Variants in THADA observed in about 807,000 individuals in gnomAD.
The protein encoded by THADA is tRNA (32-2'-O)-methyltransferase regulator THADA.
THADA carries 213 observed loss-of-function variants against 219.8 expected under a neutral mutation model. The observed-to-expected ratio is 0.97, with a 90% confidence interval of 0.87 to 1.09. THADA has a LOEUF of 1.09. Ranked by LOEUF, THADA falls within the 50% of genes least tolerant of loss-of-function variation. THADA has a pLI of 0.00. For synonymous variants in THADA, 1,018 were observed against 828.9 expected (o/e 1.23, Z -3.92); for missense variants, 2,956 against 2,311.3 (o/e 1.28, Z -5.72).
intron 26 of THADA, among the ~76,000 whole-genome samples, chr2:43,472,244 G>A (rs1329099577): frequency 6.6e-6 from 1 of 152,166 alleles, no homozygotes; most frequent in Non-Finnish European, 1.5e-5. Context: ...AAACAGGCAA[G>A]TATTTAAGTA....
intron 10 of THADA, among the ~76,000 whole-genome samples, chr2:43,576,808 C>G (rs892594392): frequency 6.6e-6 from 1 of 152,124 alleles, no homozygotes; most frequent in African/African-American, 2.4e-5. Context: ...GCGCATGCCA[C>G]CACACCCAGC....
intron 26 of THADA, among the ~76,000 whole-genome samples, chr2:43,451,394 C>A (rs1418278834): frequency 6.6e-6 from 1 of 152,224 alleles, no homozygotes; most frequent in Non-Finnish European, 1.5e-5. Flanking sequence ...CCATCCCCCA[C>A]TGTCCATTAT....
chr2:43,322,935 C>T (rs1473207845), intron 30 of THADA, among the ~76,000 whole-genome samples: 1 of 152,006 alleles, frequency 6.6e-6, no homozygotes, highest in African/African-American at 2.4e-5. Context: ...ATCCACCTGC[C>T]TCGGCCTCCC....
At chr2:43,355,859 G>C (rs1396475119) in intron 29 of THADA, among the ~76,000 whole-genome samples, 1 of 152,174 alleles carries the variant, frequency 6.6e-6, no homozygotes, top group African/African-American at 2.4e-5. Flanking sequence ...GTTTGAAGCT[G>C]AGTGATGGAT....
At chr2:43,380,760 G>A (rs575990904) in intron 29 of THADA, among the ~76,000 whole-genome samples, 12 of 152,244 alleles carry the variant, frequency 7.9e-5, no homozygotes, top group Admixed American at 3.3e-4. Flanking sequence ...TCTATACCTA[G>A]AAAAGGGAAC....
chr2:43,543,205 C>T (rs1033185881), intron 20 of THADA, among the ~76,000 whole-genome samples: 3 of 144,664 alleles, frequency 2.1e-5, no homozygotes, highest in African/African-American at 7.8e-5. Flanking sequence ...GACATGAACT[C>T]ATCATTTTTT....
intron 24 of THADA, 60 bp downstream of exon 24, chr2:43,505,562 A>C (rs1558871567): frequency 7.7e-7 from 1 of 1,303,172 alleles, no homozygotes; most frequent in Non-Finnish European, 1.1e-6. Flanking sequence ...TCTTGAAAAA[A>C]GTGAAAAACA....
chr2:43,593,146 A>C (rs1290195279), intron 1 of THADA, among the ~76,000 whole-genome samples: 2 of 152,246 alleles, frequency 1.3e-5, no homozygotes, highest in East Asian at 3.8e-4. Flanking sequence ...ACATGTATAA[A>C]ATAAATCTGG....
At position 43,498,862 on chromosome 2, in the gene THADA, T is replaced by A. The variant is rs766547348; in HGVS notation, c.3715A>T (p.Ile1239Phe). ...PYVADGAKAAILGFTSPVWAV... is the reference protein window; with the variant it reads ...PYVADGAKAAFLGFTSPVWAV... ...CAGACCGGTGATGTAAAACCCAGAATTGCAGCCTTAGCTCCATCAGCAACA... is the reference window on the plus strand; with the variant it reads ...CAGACCGGTGATGTAAAACCCAGAAATGCAGCCTTAGCTCCATCAGCAACA... Residue 1239 changes from isoleucine to phenylalanine, a missense_variant, in exon 25 of 38, where the codon ATT becomes TTT. Physicochemically the swap from Ile to Phe is conservative, Grantham distance 21. Coordinates refer to ENST00000405975, the MANE Select transcript of THADA (RefSeq NM_022065.5). 1.9e-6 allele frequency: 3 copies of A among 1,612,892 alleles called. No individual in the cohort carries two copies. In the Admixed American group the frequency reaches 5.0e-5, roughly 27 times the overall value.
At chr2:43,376,810 G>T (rs959097447) in intron 29 of THADA, among the ~76,000 whole-genome samples, 2 of 152,116 alleles carry the variant, frequency 1.3e-5, no homozygotes, top group Non-Finnish European at 2.9e-5. Context: ...GTTTGTCCAG[G>T]GAATTAAGAT....
rs1322628062 is a variant in THADA, at chr2:43,431,690, A to G, written c.3837-1388T>C. Among the ~76,000 whole-genome samples, 108 of 29,580 alleles carry G rather than the reference A, an allele frequency of 3.7e-3. 5 individuals are homozygous for G. Among genetic ancestry groups the G allele is most frequent in the African/African-American group, 0.014 (67 of 4,736 alleles). 19.4% of individuals were successfully genotyped at this position (29,580 alleles called of 152,430 possible). A position where few individuals can be genotyped will look rare whatever the true frequency, so the allele number is the denominator to read the frequency against. ...TTTTTTTTTTTTTTTTTTGAGACGG[A>G]GTCTCGCTCTGTCGCCCAGGCTGGA... is the stretch of plus-strand genomic sequence containing the variant. On this transcript the variant is annotated intron_variant, in intron 26 of 37. Coordinates refer to ENST00000405975, the MANE Select transcript of THADA (RefSeq NM_022065.5).
At chr2:43,336,144 C>T (rs535445223) in intron 30 of THADA, among the ~76,000 whole-genome samples, 3 of 152,126 alleles carry the variant, frequency 2.0e-5, no homozygotes, top group African/African-American at 7.2e-5. Context: ...CCTATAGTCT[C>T]AGTTACTTGG....
chr2:43,354,480 T>C (rs753883077), intron 29 of THADA, among the ~76,000 whole-genome samples: 7 of 151,938 alleles, frequency 4.6e-5, no homozygotes, highest in Non-Finnish European at 7.4e-5. Context: ...TAATTAACTA[T>C]ATTTTTGTAC....
At chr2:43,408,475 C>T (rs894634909) in intron 28 of THADA, 17 of 152,156 alleles carry the variant, frequency 1.1e-4, no homozygotes, top group African/African-American at 4.1e-4. Context: ...AGCACATTGG[C>T]AGAATTTTCT....
chr2:43,329,756 G>C (rs1055828212), intron 30 of THADA, among the ~76,000 whole-genome samples: 1 of 152,166 alleles, frequency 6.6e-6, no homozygotes, highest in Non-Finnish European at 1.5e-5. Context: ...ATTGGGCCAA[G>C]CAATTAGAAA....
chr2:43,292,094 G>A lies in THADA; in HGVS notation c.4937+10C>T, dbSNP rs1018258126. 131 of 1,573,988 alleles carry A rather than the reference G, an allele frequency of 8.3e-5. No homozygotes were observed. The highest frequency in any genetic ancestry group is 1.1e-4 in the Non-Finnish European group (129 of 1,155,034). ...TTACCAAGGTTGCACAGGAGGTTTT[G>A]GGGGCAAACCTTTCATTGGAAGCAA... On this transcript the variant is annotated intron_variant, in intron 33 of 37. Transcript: ENST00000405975.
intron 28 of THADA, among the ~76,000 whole-genome samples, chr2:43,426,541 A>T (rs747958968): frequency 3.3e-5 from 5 of 152,188 alleles, no homozygotes; most frequent in Non-Finnish European, 7.3e-5. Flanking sequence ...GAATCACCAA[A>T]TGCCAGATGA....
At chr2:43,536,568 C>T (rs1485531352) in intron 21 of THADA, among the ~76,000 whole-genome samples, 1 of 152,054 alleles carries the variant, frequency 6.6e-6, no homozygotes, top group Admixed American at 6.6e-5. Context: ...AAAAGTATCT[C>T]TATAGGGAAA....
chr2:43,448,748 C>T (rs956471883), intron 26 of THADA, among the ~76,000 whole-genome samples: 1 of 152,008 alleles, frequency 6.6e-6, no homozygotes, highest in Non-Finnish European at 1.5e-5. Context: ...TAAGCTTACA[C>T]ATCAGGCAGA....
Sources: allele counts gnomAD v4.1 joint callset (sites outside exome capture counted in the v4.1 genomes callset), GRCh38; gene constraint gnomAD v4.1.1; transcripts MANE v1.5; gene names NCBI Gene and HGNC (gene_info 2026-07-23, HGNC 2026-07-21).